The following REST variants were observed in gnomAD, a reference collection of about 807,000 sequenced individuals.
REST encodes the protein RE1-silencing transcription factor.
Under a neutral mutation model 30.4 loss-of-function variants are expected in REST, and 1 was observed. The ratio of observed to expected loss-of-function variants is 0.03; its 90% CI spans 0.01 to 0.16. REST has a LOEUF of 0.16. Among genes scored for constraint, REST ranks in the 10% least tolerant of loss-of-function variants. The probability of loss-of-function intolerance (pLI) is 1.00; values close to 1 mark genes in which losing one functional copy is unlikely to be tolerated. For missense variants in REST, 1,259 were observed against 1,329.5 expected, an observed-to-expected ratio of 0.95 and a Z score of 0.82; for synonymous variants, 504 against 451.1, an observed-to-expected ratio of 1.12 and a Z score of -1.49.
intron 2 of REST, 147 bp downstream of exon 2, chr4:56,911,683 C>T: frequency 3.1e-6 from 2 of 647,214 alleles, no homozygotes; most frequent in Non-Finnish European, 5.3e-6. Flanking sequence ...AGTTGTTTAA[C>T]CTCTTTGTTC....
At chr4:56,929,440 A>G (rs1720865144) in intron 3 of REST, among the ~76,000 whole-genome samples, 2 of 152,228 alleles carry the variant, frequency 1.3e-5, no homozygotes. Flanking sequence ...GTTGTGAGCC[A>G]CTGCACCTGG....
At chr4:56,927,263 A>C (rs1201844753) in intron 3 of REST, among the ~76,000 whole-genome samples, 1 of 152,194 alleles carries the variant, frequency 6.6e-6, no homozygotes, top group Non-Finnish European at 1.5e-5. Context: ...TTCTATGTCC[A>C]CGTATGTTAA....
chr4:56,927,494 A>G lies in REST; in HGVS notation c.983-2347A>G, dbSNP rs1560450059. On this transcript the variant is annotated intron_variant, in intron 3 of 3. Coordinates refer to ENST00000309042, the MANE Select transcript of REST (RefSeq NM_005612.5). ...ACTTAACATCTACATGGTTTTACCT[A>G]ATGTCTGAGTTTTGCTTTATGAAAA... The G allele has an allele frequency of 2.4e-5, 5 of 208,100 alleles. No homozygotes were observed. The East Asian group carries it at 8.6e-4, about 36-fold the overall frequency. The allele number at this position is 208,100 out of a possible 1,614,324, so 12.9% of individuals were successfully genotyped here. A position where few individuals can be genotyped will look rare whatever the true frequency, so the allele number is the denominator to read the frequency against.
At chr4:56,913,627 A>G (rs1201992595) in intron 2 of REST, among the ~76,000 whole-genome samples, 1 of 152,046 alleles carries the variant, frequency 6.6e-6, no homozygotes, top group Non-Finnish European at 1.5e-5. Context: ...TGCTGCTTTA[A>G]GTGGAGTGGT....
At chr4:56,911,570 C>A in intron 2 of REST, 34 bp downstream of exon 2, 1 of 1,543,754 alleles carries the variant, frequency 6.5e-7, no homozygotes, top group South Asian at 1.2e-5. Context: ...AAGTTCAGTT[C>A]TCTTTTCTGA....
chr4:56,907,902 G>T lies in REST; in HGVS notation c.-321G>T, dbSNP rs1009165477. On this transcript the variant is annotated 5_prime_UTR_variant, in exon 1 of 4. Transcript: ENST00000309042. ...GCGGCGGCGGCGGCGCGGACTGGGT[G>T]CGCGGCGCAGCGTCCTGTGTTGGAA... 2 of 182,348 alleles carry T rather than the reference G, an allele frequency of 1.1e-5. No homozygotes were observed. Among genetic ancestry groups the T allele is most frequent in the South Asian group, 2.1e-4 (1 of 4,780 alleles). The allele number at this position is 182,348 out of a possible 1,614,324, so 11.3% of individuals were successfully genotyped here.
Position 56,934,897 on chromosome 4 carries a change from G to C in REST, c.*2745G>C, listed in dbSNP as rs779027505. On this transcript the variant is annotated 3_prime_UTR_variant, in exon 4 of 4. Transcript: ENST00000309042. ...AATCTCTTAACTATCTTTTGAACCT[G>C]TATTCACATTGGTTTTCAAGATATT... The C allele has an allele frequency of 2.0e-5, 3 of 151,380 alleles. No homozygotes were observed. Among genetic ancestry groups the C allele is most frequent in the Non-Finnish European group, 4.4e-5 (3 of 67,918 alleles). 9.4% of individuals were successfully genotyped at this position (151,380 alleles called of 1,614,324 possible). A position where few individuals can be genotyped will look rare whatever the true frequency, so the allele number is the denominator to read the frequency against.
At chr4:56,910,499 A>G in intron 1 of REST, 131 bp from the exon 2 acceptor site, 1 of 704,702 alleles carries the variant, frequency 1.4e-6, no homozygotes, top group South Asian at 2.7e-5. Flanking sequence ...TTAATAGGCG[A>G]TGAAGTTTAC....
At chr4:56,917,591 G>C (rs1413441365) in intron 2 of REST, among the ~76,000 whole-genome samples, 1 of 152,102 alleles carries the variant, frequency 6.6e-6, no homozygotes, top group Non-Finnish European at 1.5e-5. Flanking sequence ...CTATGTGCCA[G>C]ACACAGTGTT....
chr4:56,930,280 A>T lies in REST; in HGVS notation c.1422A>T (p.Ser474=). The T allele has an allele frequency of 6.2e-7, 1 of 1,613,514 alleles. No homozygotes were observed. The highest frequency in any genetic ancestry group is 8.5e-7 in the Non-Finnish European group (1 of 1,179,960). Residue 474 remains serine, a synonymous_variant, in exon 4 of 4, where the codon TCA becomes TCT. Coordinates refer to ENST00000309042, the MANE Select transcript of REST (RefSeq NM_005612.5). ...TCAAAGCAGAGAAAAGAGATGTCTC[A>T]AAAGAGAAAAAGCCTTCTAATAATG... The part of the protein sequence containing the change: ...KSVKAEKRDV[S]KEKKPSNNVS...
intron 1 of REST, among the ~76,000 whole-genome samples, chr4:56,908,416 C>G (rs1719721309): frequency 6.6e-6 from 1 of 151,896 alleles, no homozygotes; most frequent in East Asian, 2.0e-4. Flanking sequence ...CAGCAGCCGC[C>G]CGGGGGCTGG....
intron 2 of REST, among the ~76,000 whole-genome samples, chr4:56,917,318 TTTG>T (rs747998386): frequency 9.2e-5 from 14 of 152,164 alleles, no homozygotes; most frequent in South Asian, 6.2e-4. Flanking sequence ...CACCATTCTT[TTTG>T]TTGTTGTTTG....
In REST at chr4:56,931,348, G is replaced by A. The variant is rs1464450663; in HGVS notation, c.2490G>A (p.Arg830=). 1 of 1,614,236 alleles carries A rather than the reference G, an allele frequency of 6.2e-7. No homozygotes were observed. Among genetic ancestry groups the A allele is most frequent in the Non-Finnish European group, 8.5e-7 (1 of 1,180,042 alleles). The change falls in exon 4 of 4, where the codon AGG becomes AGA. Residue 830 remains arginine, a synonymous_variant. Transcript: ENST00000309042. The stretch of plus-strand genomic sequence containing the variant: ...AAAAGTCTAACATGCAGAGTGAAAG[G>A]GCACGGAAGGAGCAAGTCCTTATTG... The part of the protein sequence containing the change: ...KKEKSNMQSE[R]ARKEQVLIEV...
intron 2 of REST, among the ~76,000 whole-genome samples, chr4:56,916,174 G>A (rs948542775): frequency 2.0e-5 from 3 of 152,164 alleles, no homozygotes; most frequent in African/African-American, 7.2e-5. Flanking sequence ...AGGGTGGGGG[G>A]AGCTGGGGAC....
At chr4:56,914,216 C>T (rs374080716) in intron 2 of REST, among the ~76,000 whole-genome samples, 4 of 152,252 alleles carry the variant, frequency 2.6e-5, no homozygotes, top group Admixed American at 2.0e-4. Context: ...TGTGAGCCAC[C>T]GTATCCAGCG....
intron 1 of REST, among the ~76,000 whole-genome samples, chr4:56,908,441 A>T (rs1719722871): frequency 6.6e-6 from 1 of 151,238 alleles, no homozygotes; most frequent in Admixed American, 6.6e-5. Context: ...GTTTGTTGGG[A>T]GCAGCGCGTC....
At chr4:56,910,093 T>A (rs1041906467) in intron 1 of REST, among the ~76,000 whole-genome samples, 3 of 152,196 alleles carry the variant, frequency 2.0e-5, no homozygotes, top group African/African-American at 7.2e-5. Flanking sequence ...TGGAGTTAGT[T>A]GAGTTCATGC....
intron 2 of REST, among the ~76,000 whole-genome samples, chr4:56,912,133 T>C (rs780832810): frequency 2.4e-4 from 36 of 152,178 alleles, no homozygotes; most frequent in Non-Finnish European, 3.8e-4. Context: ...ATTTGACTTA[T>C]AGCATTGAGT....
At chr4:56,920,448 A>AATCACC (rs1720396396) in intron 3 of REST, among the ~76,000 whole-genome samples, 1 of 151,620 alleles carries the variant, frequency 6.6e-6, no homozygotes, top group South Asian at 2.1e-4. Context: ...TGACTGAAAC[A>AATCACC]ATCACCATCA....
Sources: gnomAD v4.1 joint callset for allele counts (sites outside exome capture counted in the v4.1 genomes callset) on GRCh38, gnomAD v4.1.1 for gene constraint, MANE v1.5 for transcripts, NCBI Gene and HGNC (gene_info 2026-07-23, HGNC 2026-07-21) for gene names.